PDE3A: variants seen among roughly 807,000 people sequenced by gnomAD.
The protein encoded by PDE3A is phosphodiesterase 3A, also known as cGMP-inhibited 3',5'-cyclic phosphodiesterase 3A.
PDE3A carries 43 observed loss-of-function variants against 98.3 expected under a neutral mutation model. That is an observed-to-expected ratio of 0.44 (90% CI 0.34 to 0.56). The LOEUF is 0.56. Among genes scored for constraint, PDE3A ranks in the 20% least tolerant of loss-of-function variants. The probability of loss-of-function intolerance (pLI) is 0.01; values close to 1 mark genes in which losing one functional copy is unlikely to be tolerated. For synonymous variants in PDE3A, 663 were observed against 567.9 expected (o/e 1.17, Z -2.38); for missense variants, 1,427 against 1,440.7 (o/e 0.99, Z 0.15).
chr12:20,628,425 C>T lies in PDE3A; in HGVS notation c.1541-1483C>T, dbSNP rs151160254. ...GGCATGACGTAAGGAGCAATGCAAA[C>T]GCTGCCTAATACGCCATGGGTTTTA... On this transcript the variant is annotated intron_variant, in intron 5 of 15. Transcript: ENST00000359062. Among the ~76,000 whole-genome samples the T allele has an allele frequency of 7.2e-4, 110 of 152,240 alleles. No individual in the cohort carries two copies. In the East Asian group the frequency reaches 0.016, roughly 22 times the overall value.
At position 20,383,961 on chromosome 12, in the gene PDE3A, C is replaced by T. The variant is rs149384497; in HGVS notation, c.960+13717C>T. ...AGAAGGAAACCAATTAAGATTGTTG[C>T]AATAATCCAGAGATGGTTGGGAGTT... is the stretch of plus-strand genomic sequence containing the variant. On this transcript the variant is annotated intron_variant, in intron 1 of 15. Transcript: ENST00000359062. Among the ~76,000 whole-genome samples, 1,456 of 151,974 alleles carry T rather than the reference C, an allele frequency of 9.6e-3. 11 individuals are homozygous for T. The highest frequency in any genetic ancestry group is 0.015 in the Non-Finnish European group (1,005 of 67,934).
chr12:20,551,960 C>A, intron 1 of PDE3A: 2 of 1,612,950 alleles, frequency 1.2e-6, no homozygotes, highest in Admixed American at 3.3e-5. Context: ...GTCCATCGGC[C>A]CCACGTGGCT....
At chr12:20,424,106 T>TA (rs142995729) in intron 1 of PDE3A, among the ~76,000 whole-genome samples, 1,532 of 152,164 alleles carry the variant, frequency 0.01, 8 homozygotes, top group Middle Eastern at 0.02. Flanking sequence ...AGTGCAGTAT[T>TA]AAAAAAATAC....
At chr12:20,551,901 C>G in intron 1 of PDE3A, 3 of 1,613,478 alleles carry the variant, frequency 1.9e-6, no homozygotes, top group Non-Finnish European at 2.5e-6. Flanking sequence ...TCCCGGGGAT[C>G]CCCGTGGGCA....
intron 4 of PDE3A, among the ~76,000 whole-genome samples, chr12:20,620,093 T>C (rs1944097322): frequency 6.6e-6 from 1 of 152,100 alleles, no homozygotes; most frequent in African/African-American, 2.4e-5. Flanking sequence ...AAGCAATGCA[T>C]GCATAATATT....
intron 1 of PDE3A, among the ~76,000 whole-genome samples, chr12:20,387,892 A>T (rs1943841695): frequency 6.6e-6 from 1 of 152,034 alleles, no homozygotes; most frequent in African/African-American, 2.4e-5. Context: ...ACAATTGAGG[A>T]TAGGCCAAAT....
At chr12:20,387,267 G>T (rs1366236175) in intron 1 of PDE3A, among the ~76,000 whole-genome samples, 4 of 151,442 alleles carry the variant, frequency 2.6e-5, no homozygotes, top group Non-Finnish European at 4.4e-5. Flanking sequence ...TCTTTTTTTT[G>T]GTTTCATATG....
intron 1 of PDE3A, among the ~76,000 whole-genome samples, chr12:20,473,597 A>G (rs1945478555): frequency 6.6e-6 from 1 of 152,160 alleles, no homozygotes; most frequent in South Asian, 2.1e-4. Context: ...CTCTACCCTG[A>G]TCCCATACTT....
chr12:20,597,108 A>G (rs1215169392), intron 2 of PDE3A, among the ~76,000 whole-genome samples: 1 of 152,158 alleles, frequency 6.6e-6, no homozygotes, highest in African/African-American at 2.4e-5. Context: ...CACTCCCTTT[A>G]CAATGTCATT....
At chr12:20,384,192 T>C (rs1232260045) in intron 1 of PDE3A, among the ~76,000 whole-genome samples, 3 of 151,592 alleles carry the variant, frequency 2.0e-5, no homozygotes, top group Non-Finnish European at 2.9e-5. Context: ...ACATTTTTTT[T>C]TTTTTTTTCT....
chr12:20,452,686 C>A (rs1417999021), intron 1 of PDE3A, among the ~76,000 whole-genome samples: 1 of 152,156 alleles, frequency 6.6e-6, no homozygotes, highest in Non-Finnish European at 1.5e-5. Flanking sequence ...ATCTGCAAAA[C>A]CCACCTGGGG....
intron 1 of PDE3A, among the ~76,000 whole-genome samples, chr12:20,462,174 T>C (rs1228388065): frequency 1.3e-5 from 2 of 152,156 alleles, no homozygotes; most frequent in Non-Finnish European, 2.9e-5. Flanking sequence ...AAATCAATTT[T>C]GAATATCAGG....
At chr12:20,592,383 AT>A (rs1388468715) in intron 2 of PDE3A, among the ~76,000 whole-genome samples, 3 of 152,240 alleles carry the variant, frequency 2.0e-5, no homozygotes, top group Non-Finnish European at 4.4e-5. Flanking sequence ...AATAAAAGGA[AT>A]TCGAACACCA....
chr12:20,421,430 A>C (rs1305290128), intron 1 of PDE3A, among the ~76,000 whole-genome samples: 1 of 152,188 alleles, frequency 6.6e-6, no homozygotes, highest in East Asian at 1.9e-4. Flanking sequence ...CAAGACTGTG[A>C]CTATGCTATT....
At chr12:20,594,924 T>TCC (rs1269536054) in intron 2 of PDE3A, among the ~76,000 whole-genome samples, 2 of 152,090 alleles carry the variant, frequency 1.3e-5, no homozygotes, top group African/African-American at 4.8e-5. Context: ...TGTAGATCGA[T>TCC]ACATTATAAA....
At position 20,484,690 on chromosome 12, in the gene PDE3A, C is replaced by T. The variant is rs754754547; in HGVS notation, c.961-71970C>T. 1.2e-4 allele frequency among the ~76,000 whole-genome samples: 19 copies of T among 152,016 alleles called. No homozygotes were observed. In the South Asian group the frequency reaches 1.7e-3, roughly 13 times the overall value. On this transcript the variant is annotated intron_variant, in intron 1 of 15. Coordinates refer to ENST00000359062, the MANE Select transcript of PDE3A (RefSeq NM_000921.5). The stretch of plus-strand genomic sequence containing the variant: ...TACGTTAGCTCATTTAATTTTTATA[C>T]GTAGGATAAAACATACACTTTGAAA...
chr12:20,611,164 A>G (rs1943840442), intron 2 of PDE3A, among the ~76,000 whole-genome samples: 1 of 151,866 alleles, frequency 6.6e-6, no homozygotes, highest in Non-Finnish European at 1.5e-5. Flanking sequence ...AGTATACACA[A>G]TACAAATTAT....
chr12:20,604,050 T>G (rs1209865377), intron 2 of PDE3A, among the ~76,000 whole-genome samples: 1 of 151,934 alleles, frequency 6.6e-6, no homozygotes, highest in Non-Finnish European at 1.5e-5. Flanking sequence ...ATGCCTGGGG[T>G]CCTAGCTATT....
Position 20,687,250 on chromosome 12 carries a change from C to T in PDE3A, c.*6979C>T, listed in dbSNP as rs1382857035. ...CCTTGTCCCTTTTCTTTTTAAAATTCCCAACTGATTATGGGTCAAAAACTC... is the reference window on the plus strand; with the variant it reads ...CCTTGTCCCTTTTCTTTTTAAAATTTCCAACTGATTATGGGTCAAAAACTC... On this transcript the variant is annotated 3_prime_UTR_variant, in exon 16 of 16. Coordinates refer to ENST00000359062, the MANE Select transcript of PDE3A (RefSeq NM_000921.5). Among the ~76,000 whole-genome samples, 1 of 151,812 alleles carries T rather than the reference C, an allele frequency of 6.6e-6. No individual in the cohort carries two copies. The highest frequency in any genetic ancestry group is 2.4e-5 in the African/African-American group (1 of 41,352).
Sources: gnomAD v4.1 joint callset for allele counts (sites outside exome capture counted in the v4.1 genomes callset) on GRCh38, gnomAD v4.1.1 for gene constraint, MANE v1.5 for transcripts, NCBI Gene and HGNC (gene_info 2026-07-23, HGNC 2026-07-21) for gene names.